Variants in ANKFY1 observed in about 807,000 individuals in gnomAD.
ANKFY1 encodes ankyrin repeat and FYVE domain containing 1.
ANKFY1 carries 47 observed loss-of-function variants against 128.3 expected under a neutral mutation model. The ratio of observed to expected loss-of-function variants is 0.37; its 90% CI spans 0.29 to 0.47. The LOEUF (loss-of-function observed/expected upper bound fraction) is 0.47. Ranked by LOEUF, ANKFY1 falls within the 20% of genes least tolerant of loss-of-function variation. The pLI is 1.00. For missense variants in ANKFY1, 1,222 were observed against 1,510.6 expected, an observed-to-expected ratio of 0.81 and a Z score of 3.17; for synonymous variants, 553 against 601.6, an observed-to-expected ratio of 0.92 and a Z score of 1.18.
intron 4 of ANKFY1, among the ~76,000 whole-genome samples, chr17:4,210,572 G>T (rs1294450275): frequency 6.6e-6 from 1 of 151,992 alleles, no homozygotes; most frequent in African/African-American, 2.4e-5. Flanking sequence ...GCCGGCTGTG[G>T]TGGCGCATGC....
At chr17:4,170,933 G>C in intron 22 of ANKFY1, 72 bp from the exon 23 acceptor site, 1 of 1,604,254 alleles carries the variant, frequency 6.2e-7, no homozygotes, top group East Asian at 2.2e-5. Context: ...GGAGGGCGGA[G>C]GACAGCCAAG....
At chr17:4,242,553 A>T in intron 1 of ANKFY1, 105 bp from the exon 2 acceptor site, 1 of 986,812 alleles carries the variant, frequency 1.0e-6, no homozygotes, top group Non-Finnish European at 1.4e-6. Context: ...GTGACTGGCC[A>T]CTTGACCGTT....
rs542680806 is a variant in ANKFY1, at chr17:4,236,431, T to C, written c.204-541A>G. On this transcript the variant is annotated intron_variant, in intron 2 of 24. Transcript: ENST00000341657. The stretch of plus-strand genomic sequence containing the variant: ...TCTCACTAGAAACATTCAGTCCTAA[T>C]ATTGACCATTTTTTACTCAACTACT... 5.3e-4 allele frequency among the ~76,000 whole-genome samples: 80 copies of C among 152,360 alleles called. 1 individual carries two copies. The highest frequency in any genetic ancestry group is 8.5e-4 in the Admixed American group (13 of 15,302).
In ANKFY1 at chr17:4,173,989, T is replaced by A. The variant is rs747738863; in HGVS notation, c.2843A>T (p.Gln948Leu). The change falls in exon 20 of 25, where the codon CAG (glutamine) becomes CTG (leucine). Residue 948 changes from glutamine to leucine, a missense_variant. Transcript: ENST00000341657. Reference sequence around the variant, plus strand: ...TGAGCAGATGGTGGGCAGGTCCTGCTGGGCAGCAAGATGGAGGGCAGTCTG... The same window carrying A: ...TGAGCAGATGGTGGGCAGGTCCTGCAGGGCAGCAAGATGGAGGGCAGTCTG... Reference protein sequence around the residue: ...HRQTALHLAAQQDLPTICSVL... With the variant: ...HRQTALHLAALQDLPTICSVL... 1 of 1,614,250 alleles carries A rather than the reference T, an allele frequency of 6.2e-7. No individual in the cohort carries two copies.
chr17:4,196,742 T>C (rs1198257660), intron 8 of ANKFY1, among the ~76,000 whole-genome samples: 1 of 152,212 alleles, frequency 6.6e-6, no homozygotes, highest in Admixed American at 6.5e-5. Context: ...CTTCAAACTA[T>C]CCAAGCAACT....
At chr17:4,206,971 C>T (rs1164537415) in intron 6 of ANKFY1, among the ~76,000 whole-genome samples, 1 of 152,130 alleles carries the variant, frequency 6.6e-6, no homozygotes, top group Admixed American at 6.5e-5. Context: ...GCAGAATTAT[C>T]ACCCCCCCCA....
intron 1 of ANKFY1, among the ~76,000 whole-genome samples, chr17:4,254,303 CAAAAAAAAAAAAAAAA>C (rs572606909): frequency 1.1e-4 from 9 of 81,948 alleles, no homozygotes; most frequent in South Asian, 3.7e-4. Flanking sequence ...GACTCCATCT[CAAAAAAAAAAAAAAAA>C]AAAAAAAAAA....
At chr17:4,211,449 C>CA (rs1251727143) in intron 4 of ANKFY1, among the ~76,000 whole-genome samples, 3 of 150,542 alleles carry the variant, frequency 2.0e-5, no homozygotes, top group Non-Finnish European at 4.4e-5. Context: ...CCCCCCACAC[C>CA]AAAAAAATCA....
chr17:4,194,035 G>A (rs2059767236), intron 10 of ANKFY1, among the ~76,000 whole-genome samples: 1 of 149,190 alleles, frequency 6.7e-6, no homozygotes, highest in Non-Finnish European at 1.5e-5. Flanking sequence ...TAGGATTACA[G>A]GTGTGAGCTA....
At chr17:4,232,583 T>C (rs1230734313) in intron 3 of ANKFY1, among the ~76,000 whole-genome samples, 1 of 152,192 alleles carries the variant, frequency 6.6e-6, no homozygotes, top group Non-Finnish European at 1.5e-5. Flanking sequence ...AAGCAAACCT[T>C]ATAGTAGAAT....
At chr17:4,198,415 A>AG (rs1237793844) in intron 7 of ANKFY1, among the ~76,000 whole-genome samples, 1 of 150,720 alleles carries the variant, frequency 6.6e-6, no homozygotes, top group Non-Finnish European at 1.5e-5. Flanking sequence ...TCTGTCACCC[A>AG]GGCTGGAGTG....
At chr17:4,171,776 G>A (rs546542909) in intron 22 of ANKFY1, among the ~76,000 whole-genome samples, 3 of 152,290 alleles carry the variant, frequency 2.0e-5, no homozygotes, top group African/African-American at 7.2e-5. Context: ...AAGACCAAGA[G>A]AAAAATGGTG....
rs1041895454 is a variant in ANKFY1 at position 4,201,249 on chromosome 17, C to T, written c.899-3672G>A. 3.3e-5 allele frequency among the ~76,000 whole-genome samples: 5 copies of T among 152,212 alleles called. No homozygotes were observed. The East Asian group carries it at 9.6e-4, about 29-fold the overall frequency. On this transcript the variant is annotated intron_variant, in intron 7 of 24. Coordinates refer to ENST00000341657, the MANE Select transcript of ANKFY1 (RefSeq NM_001330063.2). ...GTCTCACTATGTTGCCCAGGCTGGA[C>T]TCAAACTCCTGGCCTCAAGTGATCC...
chr17:4,178,758 T>C lies in ANKFY1; in HGVS notation c.2598+99A>G. On this transcript the variant is annotated intron_variant, in intron 18 of 24. Transcript: ENST00000341657. This position sits in a 1 kb window ranked among gnomAD's most constrained non-coding sequence, Gnocchi z 4.1. The stretch of plus-strand genomic sequence containing the variant: ...GGAGTACAACTTCAAAACAAAGCTC[T>C]TTCCATGAGGAGACCTGTTTAGTCG... The C allele has an allele frequency of 3.3e-6, 4 of 1,206,318 alleles. No individual in the cohort carries two copies. Among genetic ancestry groups the C allele is most frequent in the Non-Finnish European group, 4.8e-6 (4 of 835,560 alleles). The allele number at this position is 1,206,318 out of a possible 1,614,324, so 74.7% of individuals were successfully genotyped here. A position where few individuals can be genotyped will look rare whatever the true frequency, so the allele number is the denominator to read the frequency against.
chr17:4,165,445 G>C lies in ANKFY1; in HGVS notation c.*2334C>G, dbSNP rs750764304. 1 of 152,230 alleles carries C rather than the reference G, an allele frequency of 6.6e-6. No individual in the cohort carries two copies. Among genetic ancestry groups the C allele is most frequent in the Admixed American group, 6.5e-5 (1 of 15,286 alleles). 9.4% of individuals were successfully genotyped at this position (152,230 alleles called of 1,614,324 possible). A position where few individuals can be genotyped will look rare whatever the true frequency, so the allele number is the denominator to read the frequency against. ...CAAGTGTTGACAGCAGGGAGAGCAC[G>C]GGAAGGGCTGGAAGCATGCCTAGTC... On this transcript the variant is annotated 3_prime_UTR_variant, in exon 25 of 25. Transcript: ENST00000341657.
intron 19 of ANKFY1, 124 bp downstream of exon 19, chr17:4,177,002 C>T (rs946546414): frequency 6.6e-6 from 7 of 1,067,234 alleles, no homozygotes; most frequent in Admixed American, 3.6e-5. Flanking sequence ...GCACCAGCCT[C>T]GCTCCCCAAA....
chr17:4,220,554 T>C (rs915687857), intron 3 of ANKFY1, among the ~76,000 whole-genome samples: 1 of 152,220 alleles, frequency 6.6e-6, no homozygotes, highest in Admixed American at 6.5e-5. Context: ...ACCTAGATTA[T>C]CAAAAAACTT....
At chr17:4,200,027 T>G (rs1402564210) in intron 7 of ANKFY1, among the ~76,000 whole-genome samples, 2 of 151,578 alleles carry the variant, frequency 1.3e-5, no homozygotes, top group African/African-American at 4.8e-5. Flanking sequence ...CCAGGTGGCA[T>G]CAATGAGCTC....
intron 4 of ANKFY1, among the ~76,000 whole-genome samples, chr17:4,211,928 A>C (rs2060139751): frequency 6.6e-6 from 1 of 152,070 alleles, no homozygotes; most frequent in Non-Finnish European, 1.5e-5. Flanking sequence ...ACAAACAAAA[A>C]ACATCAACTA....
Sources: allele counts gnomAD v4.1 joint callset (sites outside exome capture counted in the v4.1 genomes callset), GRCh38; gene constraint gnomAD v4.1.1; non-coding constraint Gnocchi (gnomAD v3.1); transcripts MANE v1.5; gene names NCBI Gene and HGNC (gene_info 2026-07-23, HGNC 2026-07-21).